The following ARID2 variants were observed in gnomAD, a reference collection of about 807,000 sequenced individuals.
ARID2 encodes the protein AT-rich interaction domain 2, also known as AT-rich interactive domain-containing protein 2.
Under a neutral mutation model 184.6 loss-of-function variants are expected in ARID2, and 32 were observed. The ratio of observed to expected loss-of-function variants is 0.17; its 90% CI spans 0.13 to 0.23. The LOEUF (loss-of-function observed/expected upper bound fraction) is 0.23. ARID2 is among the 10% of genes least tolerant of loss of function. The pLI, the probability that ARID2 is intolerant of heterozygous loss-of-function variation, is 1.00. For missense variants in ARID2, 1,696 were observed against 2,197.6 expected (o/e 0.77, Z 4.56); for synonymous variants, 836 against 772.6 (o/e 1.08, Z -1.36).
At position 45,908,032 on chromosome 12, in the gene ARID2, A is replaced by G; in HGVS notation, c.*2954A>G. ...TGAAATGACAATAAAATGATTTTTA[A>G]AATGAGAATGTTTTGGATAAGTGAC... On this transcript the variant is annotated 3_prime_UTR_variant, in exon 21 of 21. Transcript: ENST00000334344. 1 of 218,458 alleles carries G rather than the reference A, an allele frequency of 4.6e-6. No individual in the cohort carries two copies. Among genetic ancestry groups the G allele is most frequent in the Non-Finnish European group, 9.2e-6 (1 of 108,750 alleles). The allele number at this position is 218,458 out of a possible 1,614,324, so 13.5% of individuals were successfully genotyped here. A position where few individuals can be genotyped will look rare whatever the true frequency, so the allele number is the denominator to read the frequency against.
chr12:45,900,980 G>A (rs1430582501), intron 20 of ARID2, among the ~76,000 whole-genome samples: 3 of 151,132 alleles, frequency 2.0e-5, no homozygotes, highest in Non-Finnish European at 3.0e-5. Context: ...ATGTGTCTTC[G>A]GTGGGTGTTT....
rs1944332863 is a variant in ARID2 at position 45,893,635 on chromosome 12, A to G, written c.5277A>G (p.Glu1759=). The G allele has an allele frequency of 1.2e-6, 2 of 1,603,994 alleles. No homozygotes were observed. Among genetic ancestry groups the G allele is most frequent in the Non-Finnish European group, 1.7e-6 (2 of 1,177,582 alleles). Residue 1759 remains glutamate (E), a synonymous_variant, in exon 20 of 21, where the codon GAA becomes GAG. Coordinates refer to ENST00000334344, the MANE Select transcript of ARID2 (RefSeq NM_152641.4). ...RNLVFRDFTD[E]KEGPITKHIR... ...TTTTTTCCTTTCTTTTTAAGGATGA[A>G]AAAGAGGGACCAATAACTAAACACA...
intron 16 of ARID2, among the ~76,000 whole-genome samples, chr12:45,863,099 G>T (rs1943776132): frequency 6.6e-6 from 1 of 152,170 alleles, no homozygotes; most frequent in Admixed American, 6.5e-5. Flanking sequence ...TCATAGTGCT[G>T]TTTGCAACAT....
chr12:45,858,552 C>G (rs1943691783), intron 15 of ARID2, among the ~76,000 whole-genome samples: 1 of 152,124 alleles, frequency 6.6e-6, no homozygotes, highest in Non-Finnish European at 1.5e-5. Flanking sequence ...TCATTATTCC[C>G]AAACTAAACC....
chr12:45,861,682 T>G (rs1943752437), intron 16 of ARID2, among the ~76,000 whole-genome samples: 1 of 151,324 alleles, frequency 6.6e-6, no homozygotes, highest in East Asian at 1.9e-4. Context: ...CCTCCTAGGT[T>G]CAAGCAATTC....
At chr12:45,810,421 CTATATTG>C (rs1227932518) in intron 3 of ARID2, among the ~76,000 whole-genome samples, 2 of 151,982 alleles carry the variant, frequency 1.3e-5, no homozygotes, top group Non-Finnish European at 2.9e-5. Flanking sequence ...TGCAGTTTGG[CTATATTG>C]ATGTTTAAAA....
At chr12:45,767,475 C>T (rs1007450547) in intron 3 of ARID2, among the ~76,000 whole-genome samples, 1 of 151,086 alleles carries the variant, frequency 6.6e-6, no homozygotes, top group South Asian at 2.1e-4. Context: ...TTTGAATAAT[C>T]CTGTAAGTGA....
intron 3 of ARID2, among the ~76,000 whole-genome samples, chr12:45,803,983 G>A (rs905469327): frequency 6.6e-6 from 1 of 152,182 alleles, no homozygotes; most frequent in Non-Finnish European, 1.5e-5. Context: ...AGTAGGATGA[G>A]TAACATATGG....
intron 20 of ARID2, among the ~76,000 whole-genome samples, chr12:45,898,275 G>T (rs1944396617): frequency 1.3e-5 from 2 of 152,128 alleles, no homozygotes; most frequent in South Asian, 4.1e-4. Context: ...TGGGGCTGGG[G>T]GTAGTTCAGG....
chr12:45,795,217 C>A (rs2138059599), intron 3 of ARID2, among the ~76,000 whole-genome samples: 1 of 152,240 alleles, frequency 6.6e-6, no homozygotes, highest in Admixed American at 6.5e-5. Flanking sequence ...GTGCCAGTAT[C>A]AAAGTCCCAT....
At chr12:45,863,328 T>C (rs1352161742) in intron 16 of ARID2, among the ~76,000 whole-genome samples, 2 of 152,226 alleles carry the variant, frequency 1.3e-5, no homozygotes, top group African/African-American at 4.8e-5. Context: ...TGGCTCTTAT[T>C]CATATTTAGT....
chr12:45,745,308 A>AT (rs1212122397), intron 3 of ARID2, among the ~76,000 whole-genome samples: 1 of 152,180 alleles, frequency 6.6e-6, no homozygotes, highest in Non-Finnish European at 1.5e-5. Context: ...ACTAGAAAGG[A>AT]TTTTAAGAAG....
chr12:45,804,836 A>G (rs1326742783), intron 3 of ARID2, among the ~76,000 whole-genome samples: 1 of 152,078 alleles, frequency 6.6e-6, no homozygotes, highest in African/African-American at 2.4e-5. Flanking sequence ...GGTGATAATC[A>G]TTATGTTGCT....
At chr12:45,845,188 A>G (rs1225585755) in intron 11 of ARID2, among the ~76,000 whole-genome samples, 1 of 152,104 alleles carries the variant, frequency 6.6e-6, no homozygotes, top group Admixed American at 6.6e-5. Context: ...CATGAAATTG[A>G]TTGCTAATTC....
In ARID2 at chr12:45,849,697, C is replaced by T. The variant is rs147783963; in HGVS notation, c.1833C>T (p.Tyr611=). ...CTATACCACTTCCCATTCAGATGTA[C>T]TATCAGCAGCAACCAGTTTCTACTT... The part of the protein sequence containing the change: ...RRAIPLPIQM[Y]YQQQPVSTSV... The change falls in exon 14 of 21, where the codon TAC becomes TAT. Residue 611 remains tyrosine, a synonymous_variant. Transcript: ENST00000334344. The T allele has an allele frequency of 3.4e-5, 55 of 1,613,892 alleles. No homozygotes were observed. In the African/African-American group the frequency reaches 6.3e-4, roughly 18 times the overall value.
At chr12:45,764,296 G>A (rs191862740) in intron 3 of ARID2, among the ~76,000 whole-genome samples, 2 of 152,274 alleles carry the variant, frequency 1.3e-5, no homozygotes, top group Admixed American at 1.3e-4. Context: ...TTAGAAAATT[G>A]CTAACTCTAT....
chr12:45,811,031 A>G (rs2138081482), intron 3 of ARID2, among the ~76,000 whole-genome samples: 1 of 152,162 alleles, frequency 6.6e-6, no homozygotes, highest in African/African-American at 2.4e-5. Context: ...AACACGGTGA[A>G]ACCCCGTCTC....
At chr12:45,857,313 T>C (rs1292788364) in intron 15 of ARID2, among the ~76,000 whole-genome samples, 1 of 152,108 alleles carries the variant, frequency 6.6e-6, no homozygotes, top group South Asian at 2.1e-4. Context: ...CATCAGAAAA[T>C]AGATTGGTAG....
intron 20 of ARID2, 109 bp from the exon 21 acceptor site, chr12:45,904,825 G>T (rs1944503153): frequency 9.3e-7 from 1 of 1,074,748 alleles, no homozygotes; most frequent in Non-Finnish European, 1.3e-6. Flanking sequence ...TTTACGGGGT[G>T]TGGAGCTATG....
Sources: gnomAD v4.1 joint callset for allele counts (sites outside exome capture counted in the v4.1 genomes callset) on GRCh38, gnomAD v4.1.1 for gene constraint, MANE v1.5 for transcripts, NCBI Gene and HGNC (gene_info 2026-07-23, HGNC 2026-07-21) for gene names.